The following CADM1 variants were observed in gnomAD, a reference collection of about 807,000 sequenced individuals.
CADM1 encodes TSLC-1.
In CADM1, 15 loss-of-function variants were observed where a neutral mutation model predicts 53.1. That is an observed-to-expected ratio of 0.28 (90% CI 0.19 to 0.44). The LOEUF (loss-of-function observed/expected upper bound fraction) is 0.44, where lower values mean the gene tolerates loss of function less well. CADM1 is among the 20% of genes least tolerant of loss of function. The probability of loss-of-function intolerance (pLI) is 1.00; values close to 1 mark genes in which losing one functional copy is unlikely to be tolerated. For missense variants in CADM1, 434 were observed against 611.3 expected (o/e 0.71, Z 3.06); for synonymous variants, 281 against 243.0 (o/e 1.16, Z -1.45).
chr11:115,386,847 T>C (rs933671685), intron 1 of CADM1, among the ~76,000 whole-genome samples: 11 of 152,224 alleles, frequency 7.2e-5, no homozygotes, highest in Non-Finnish European at 1.6e-4. Flanking sequence ...AGCTTAACCC[T>C]TGAAAAATGC....
At chr11:115,372,222 A>G (rs935796276) in intron 1 of CADM1, among the ~76,000 whole-genome samples, 1 of 152,232 alleles carries the variant, frequency 6.6e-6, no homozygotes, top group Non-Finnish European at 1.5e-5. Flanking sequence ...TCTATGAGCC[A>G]AAGTTTTCCC....
At chr11:115,287,977 G>A (rs1233579466) in intron 1 of CADM1, among the ~76,000 whole-genome samples, 1 of 152,134 alleles carries the variant, frequency 6.6e-6, no homozygotes, top group Non-Finnish European at 1.5e-5. Flanking sequence ...AAAACTTTAG[G>A]AGAGTTGGGG....
intron 1 of CADM1, among the ~76,000 whole-genome samples, chr11:115,327,764 T>C (rs1382535513): frequency 3.3e-5 from 5 of 152,164 alleles, no homozygotes; most frequent in African/African-American, 1.2e-4. Context: ...GTGAAGATTG[T>C]ATTAGTACCT....
chr11:115,299,282 T>C (rs1219175247), intron 1 of CADM1, among the ~76,000 whole-genome samples: 2 of 152,106 alleles, frequency 1.3e-5, no homozygotes, highest in African/African-American at 2.4e-5. Context: ...GGCATTTATT[T>C]TTATCTTTGA....
chr11:115,191,365 AAC>A (rs1413287383), intron 9 of CADM1, among the ~76,000 whole-genome samples: 1 of 152,226 alleles, frequency 6.6e-6, no homozygotes, highest in African/African-American at 2.4e-5. Flanking sequence ...AATACTGACA[AAC>A]ACAGTTCATT....
chr11:115,393,010 C>G (rs1442573204), intron 1 of CADM1, among the ~76,000 whole-genome samples: 1 of 146,116 alleles, frequency 6.8e-6, no homozygotes, highest in East Asian at 2.0e-4. Context: ...CATGCTTGCA[C>G]CTGTGAATAG....
At chr11:115,337,994 C>A (rs562898002) in intron 1 of CADM1, among the ~76,000 whole-genome samples, 2 of 152,166 alleles carry the variant, frequency 1.3e-5, no homozygotes, top group East Asian at 3.9e-4. Flanking sequence ...TACTGGTTGG[C>A]CCTAAGTGGG....
intron 1 of CADM1, among the ~76,000 whole-genome samples, chr11:115,282,226 T>C (rs1271932872): frequency 1.3e-5 from 2 of 152,174 alleles, no homozygotes; most frequent in Non-Finnish European, 2.9e-5. Context: ...CAGTGAGTAA[T>C]CTTATTTTGC....
chr11:115,446,893 A>G (rs537831760), intron 1 of CADM1, among the ~76,000 whole-genome samples: 81 of 152,300 alleles, frequency 5.3e-4, no homozygotes, highest in African/African-American at 1.8e-3. Context: ...CCCTCCAGGG[A>G]ACCCAATTTG....
At chr11:115,300,630 G>A (rs1007530086) in intron 1 of CADM1, among the ~76,000 whole-genome samples, 1 of 151,974 alleles carries the variant, frequency 6.6e-6, no homozygotes, top group Non-Finnish European at 1.5e-5. Flanking sequence ...CCTATACAAA[G>A]GGAATGCTCG....
intron 1 of CADM1, among the ~76,000 whole-genome samples, chr11:115,273,590 C>A (rs1344973321): frequency 6.6e-6 from 1 of 151,740 alleles, no homozygotes. Flanking sequence ...ATGCCAGTTA[C>A]AAAAATAAAT....
At position 115,175,088 on chromosome 11, in the gene CADM1, A is replaced by C; in HGVS notation, c.*1386T>G. ...GGAAAGAGGCCAAGGCTAGTGTATG[A>C]AAGGTAAAAAGATAAAAACACTCAC... On this transcript the variant is annotated 3_prime_UTR_variant, in exon 12 of 12. Coordinates refer to ENST00000331581, the MANE Select transcript of CADM1 (RefSeq NM_001301043.2). 2 of 985,894 alleles carry C rather than the reference A, an allele frequency of 2.0e-6. No homozygotes were observed. The highest frequency in any genetic ancestry group is 2.4e-6 in the Non-Finnish European group (2 of 829,950). 61.1% of individuals were successfully genotyped at this position (985,894 alleles called of 1,614,324 possible).
At chr11:115,337,491 T>C (rs1488480168) in intron 1 of CADM1, among the ~76,000 whole-genome samples, 1 of 152,086 alleles carries the variant, frequency 6.6e-6, no homozygotes, top group Non-Finnish European at 1.5e-5. Context: ...CTCCTTTCTG[T>C]GTATTGAGAT....
intron 1 of CADM1, among the ~76,000 whole-genome samples, chr11:115,283,450 G>A (rs990097916): frequency 3.3e-5 from 5 of 152,156 alleles, no homozygotes; most frequent in Non-Finnish European, 5.9e-5. Context: ...TGGAAGGAAC[G>A]CAGTGAGGGG....
At chr11:115,473,663 C>T (rs1949064642) in intron 1 of CADM1, among the ~76,000 whole-genome samples, 1 of 152,018 alleles carries the variant, frequency 6.6e-6, no homozygotes, top group South Asian at 2.1e-4. Flanking sequence ...TCAATGTATA[C>T]CTAATACTTT....
At chr11:115,404,937 A>G (rs1287875740) in intron 1 of CADM1, among the ~76,000 whole-genome samples, 2 of 152,174 alleles carry the variant, frequency 1.3e-5, no homozygotes, top group Admixed American at 6.5e-5. Flanking sequence ...GAGAAAACTC[A>G]ACAGGCCAAT....
chr11:115,398,883 G>C (rs1457330844), intron 1 of CADM1, among the ~76,000 whole-genome samples: 2 of 152,114 alleles, frequency 1.3e-5, no homozygotes, highest in Non-Finnish European at 2.9e-5. Flanking sequence ...AAGATTTCCT[G>C]AATCTCAGCC....
At chr11:115,367,158 G>C (rs1431698812) in intron 1 of CADM1, among the ~76,000 whole-genome samples, 1 of 152,224 alleles carries the variant, frequency 6.6e-6, no homozygotes, top group African/African-American at 2.4e-5. Flanking sequence ...AGGCTGCAGT[G>C]AGCTATGATT....
At chr11:115,487,460 T>C (rs1949400551) in intron 1 of CADM1, among the ~76,000 whole-genome samples, 1 of 152,134 alleles carries the variant, frequency 6.6e-6, no homozygotes, top group East Asian at 1.9e-4. Flanking sequence ...TATTAAAACA[T>C]AACTCTATGC....
Sources: gnomAD v4.1 joint callset for allele counts (sites outside exome capture counted in the v4.1 genomes callset) on GRCh38, gnomAD v4.1.1 for gene constraint, MANE v1.5 for transcripts, NCBI Gene and HGNC (gene_info 2026-07-23, HGNC 2026-07-21) for gene names.